Variants in GRIP1 observed in about 807,000 individuals in gnomAD.
GRIP1 encodes the protein glutamate receptor interacting protein 1.
Under a neutral mutation model 129.9 loss-of-function variants are expected in GRIP1, and 45 were observed. That is an observed-to-expected ratio of 0.35 (90% CI 0.27 to 0.44). The LOEUF is 0.44. Among genes scored for constraint, GRIP1 ranks in the 20% least tolerant of loss-of-function variants. The pLI, the probability that GRIP1 is intolerant of heterozygous loss-of-function variation, is 1.00. For missense variants in GRIP1, 1,196 were observed against 1,396.8 expected, an observed-to-expected ratio of 0.86 and a Z score of 2.29; for synonymous variants, 530 against 520.8, an observed-to-expected ratio of 1.02 and a Z score of -0.24.
chr12:66,591,592 T>G (rs2063848393), intron 2 of GRIP1, among the ~76,000 whole-genome samples: 1 of 152,190 alleles, frequency 6.6e-6, no homozygotes, highest in African/African-American at 2.4e-5. Flanking sequence ...CTGACTTTGG[T>G]TTCTCATCCC....
At chr12:67,058,399 A>G (rs1481906702) in intron 1 of GRIP1, among the ~76,000 whole-genome samples, 2 of 152,256 alleles carry the variant, frequency 1.3e-5, no homozygotes, top group African/African-American at 2.4e-5. Flanking sequence ...AAAGGAAAAG[A>G]CTTATTAATT....
intron 1 of GRIP1, among the ~76,000 whole-genome samples, chr12:66,618,652 A>G (rs1328983238): frequency 6.6e-6 from 1 of 152,202 alleles, no homozygotes; most frequent in Admixed American, 6.5e-5. Context: ...TTGCCAACAA[A>G]GTCTAGTAAA....
intron 2 of GRIP1, among the ~76,000 whole-genome samples, chr12:66,551,225 A>T (rs142111208): frequency 2.1e-4 from 32 of 152,358 alleles, no homozygotes; most frequent in Non-Finnish European, 3.8e-4. Context: ...GAAGACCAAT[A>T]ATCACTGCCT....
At chr12:66,954,959 G>T (rs1442898981) in intron 1 of GRIP1, among the ~76,000 whole-genome samples, 5 of 152,300 alleles carry the variant, frequency 3.3e-5, no homozygotes, top group Admixed American at 2.0e-4. Flanking sequence ...GCCGCAGAAG[G>T]CCTCATTGAT....
chr12:66,432,042 A>C (rs1219771874), intron 14 of GRIP1, among the ~76,000 whole-genome samples: 2 of 152,162 alleles, frequency 1.3e-5, no homozygotes, highest in African/African-American at 4.8e-5. Context: ...AAAGTAAATA[A>C]AGGTAATTTT....
At chr12:66,597,519 G>C (rs1262132475) in intron 1 of GRIP1, among the ~76,000 whole-genome samples, 1 of 152,168 alleles carries the variant, frequency 6.6e-6, no homozygotes, top group Non-Finnish European at 1.5e-5. Context: ...AGAGGAGCTA[G>C]GTTGAGAATA....
At chr12:67,012,030 G>GTT (rs1592464954) in intron 1 of GRIP1, among the ~76,000 whole-genome samples, 1 of 152,244 alleles carries the variant, frequency 6.6e-6, no homozygotes, top group East Asian at 1.9e-4. Context: ...GGACAAGACT[G>GTT]TTTTACCCTC....
At chr12:66,615,739 G>C (rs948294293) in intron 1 of GRIP1, among the ~76,000 whole-genome samples, 2 of 152,142 alleles carry the variant, frequency 1.3e-5, no homozygotes, top group African/African-American at 4.8e-5. Flanking sequence ...TCGCCTCCTG[G>C]GTTCAAGCGA....
chr12:66,438,506 G>A (rs990353896), intron 13 of GRIP1, among the ~76,000 whole-genome samples: 1 of 122,886 alleles, frequency 8.1e-6, no homozygotes, highest in Non-Finnish European at 1.8e-5. Flanking sequence ...TTTTTTTTTT[G>A]AGACGGAGTT....
At chr12:66,635,922 T>C (rs1362559576) in intron 1 of GRIP1, among the ~76,000 whole-genome samples, 1 of 152,178 alleles carries the variant, frequency 6.6e-6, no homozygotes, top group Non-Finnish European at 1.5e-5. Flanking sequence ...TTAGTCTAAT[T>C]TAAAGCAGGA....
At chr12:66,843,705 A>G (rs1001375812) in intron 1 of GRIP1, among the ~76,000 whole-genome samples, 16 of 152,166 alleles carry the variant, frequency 1.1e-4, no homozygotes, top group African/African-American at 3.6e-4. Flanking sequence ...TTCATGGGGA[A>G]AGGAAAAACT....
chr12:66,357,962 C>T (rs1384442531), intron 23 of GRIP1, among the ~76,000 whole-genome samples: 4 of 152,112 alleles, frequency 2.6e-5, no homozygotes, highest in African/African-American at 9.7e-5. Flanking sequence ...GGCACAATCT[C>T]GGCTCATTGA....
chr12:66,473,086 C>G (rs1267473224), intron 7 of GRIP1, among the ~76,000 whole-genome samples: 5 of 152,184 alleles, frequency 3.3e-5, no homozygotes, highest in Admixed American at 3.3e-4. Flanking sequence ...GCTTGAAATT[C>G]TCACTGCCAG....
intron 5 of GRIP1, among the ~76,000 whole-genome samples, chr12:66,520,843 T>C (rs1308742253): frequency 6.6e-6 from 1 of 152,244 alleles, no homozygotes; most frequent in African/African-American, 2.4e-5. Context: ...CAGCAGTATA[T>C]TTTGGTACAG....
chr12:66,913,492 A>T (rs1592948996), intron 1 of GRIP1, among the ~76,000 whole-genome samples: 1 of 152,240 alleles, frequency 6.6e-6, no homozygotes, highest in Non-Finnish European at 1.5e-5. Context: ...GCAATAATGC[A>T]TCAAAGATCT....
At position 66,481,947 on chromosome 12, in the gene GRIP1, G is replaced by A. The variant is rs140018417; in HGVS notation, c.725-16525C>T. Among the ~76,000 whole-genome samples, 579 of 151,996 alleles carry A rather than the reference G, an allele frequency of 3.8e-3. 7 individuals carry two copies. The highest frequency in any genetic ancestry group is 0.013 in the African/African-American group (533 of 41,408). On this transcript the variant is annotated intron_variant, in intron 7 of 24. Transcript: ENST00000359742. ...GGAACATCACACATCTGGGCCTGTC[G>A]GGGGGTGGGAGGCTAGGGGAGGGAT... is the stretch of plus-strand genomic sequence containing the variant.
At chr12:66,380,155 C>T (rs770383323) in intron 19 of GRIP1, among the ~76,000 whole-genome samples, 3 of 152,086 alleles carry the variant, frequency 2.0e-5, no homozygotes, top group Admixed American at 6.6e-5. Context: ...GGTGATCCAC[C>T]CACCTCGGCC....
chr12:66,793,129 T>C (rs2038593750), intron 1 of GRIP1, among the ~76,000 whole-genome samples: 1 of 152,200 alleles, frequency 6.6e-6, no homozygotes, highest in Admixed American at 6.5e-5. Flanking sequence ...TCTCTGATCT[T>C]ATGAAAGTTT....
At chr12:66,882,565 A>C (rs928751058) in intron 1 of GRIP1, among the ~76,000 whole-genome samples, 7 of 152,198 alleles carry the variant, frequency 4.6e-5, no homozygotes, top group African/African-American at 1.7e-4. Flanking sequence ...TGTGAGAATT[A>C]AATGAATCAG....
Sources: allele counts gnomAD v4.1 joint callset (sites outside exome capture counted in the v4.1 genomes callset), GRCh38; gene constraint gnomAD v4.1.1; transcripts MANE v1.5; gene names NCBI Gene and HGNC (gene_info 2026-07-23, HGNC 2026-07-21).